The following CD247 variants were observed in gnomAD, a reference collection of about 807,000 sequenced individuals.
CD247 encodes T-cell surface glycoprotein CD3 zeta chain.
In CD247, 13 loss-of-function variants were observed where a neutral mutation model predicts 30.0. That is an observed-to-expected ratio of 0.43 (90% CI 0.28 to 0.69). The LOEUF is 0.69. Among genes scored for constraint, CD247 ranks in the 30% least tolerant of loss-of-function variants. CD247 has a pLI of 0.16. For synonymous variants in CD247, 72 were observed against 80.0 expected (o/e 0.90, Z 0.53); for missense variants, 193 against 212.6 (o/e 0.91, Z 0.57).
intron 1 of CD247, among the ~76,000 whole-genome samples, chr1:167,493,285 C>A (rs552382010): frequency 6.6e-6 from 1 of 152,046 alleles, no homozygotes; most frequent in Non-Finnish European, 1.5e-5. Flanking sequence ...TCAGGCAATC[C>A]GCCAGCCTCG....
chr1:167,433,109 AGTAGT>A, intron 6 of CD247, 50 bp from the exon 7 acceptor site: 1 of 1,600,052 alleles, frequency 6.2e-7, no homozygotes, highest in Non-Finnish European at 8.6e-7. Context: ...TCAGGCAGTC[AGTAGT>A]GGCATTTCTG....
In CD247 at chr1:167,504,348, A is replaced by G. The variant is rs34560824; in HGVS notation, c.58+14060T>C. Reference sequence around the variant, plus strand: ...CCTCTAGAAATGTGAGTACTTTGAGAGCAGCAACTGTAATGCAGCCGCTGA... The same window carrying G: ...CCTCTAGAAATGTGAGTACTTTGAGGGCAGCAACTGTAATGCAGCCGCTGA... On this transcript the variant is annotated intron_variant, in intron 1 of 7. Transcript: ENST00000362089. Among the ~76,000 whole-genome samples, 100 of 152,370 alleles carry G rather than the reference A, an allele frequency of 6.6e-4. No individual in the cohort carries two copies. The East Asian group carries it at 0.017, about 26-fold the overall frequency.
At chr1:167,496,388 G>C (rs534767648) in intron 1 of CD247, among the ~76,000 whole-genome samples, 12 of 152,178 alleles carry the variant, frequency 7.9e-5, no homozygotes, top group Non-Finnish European at 1.8e-4. Context: ...GCTTGAGTCT[G>C]CTGGGGTCAC....
At chr1:167,453,390 G>A (rs1317469081) in intron 1 of CD247, among the ~76,000 whole-genome samples, 7 of 152,150 alleles carry the variant, frequency 4.6e-5, no homozygotes, top group South Asian at 2.1e-4. Context: ...TCTTTCTCAC[G>A]CAGCACACTG....
chr1:167,490,059 T>C (rs1654379816), intron 1 of CD247, among the ~76,000 whole-genome samples: 1 of 151,382 alleles, frequency 6.6e-6, no homozygotes, highest in African/African-American at 2.4e-5. Flanking sequence ...TAGGGAACTG[T>C]GGAGCGCTCA....
At chr1:167,490,275 A>C (rs1318313942) in intron 1 of CD247, among the ~76,000 whole-genome samples, 2 of 151,786 alleles carry the variant, frequency 1.3e-5, no homozygotes, top group African/African-American at 4.8e-5. Context: ...ATCTTTCTTA[A>C]TTTTTCTTCT....
chr1:167,441,667 C>T (rs1651837115), intron 1 of CD247, among the ~76,000 whole-genome samples: 1 of 152,254 alleles, frequency 6.6e-6, no homozygotes, highest in South Asian at 2.1e-4. Context: ...GTGTTAGCTT[C>T]TCCCACTGCA....
At chr1:167,492,455 G>A (rs768437606) in intron 1 of CD247, among the ~76,000 whole-genome samples, 1 of 152,154 alleles carries the variant, frequency 6.6e-6, no homozygotes, top group Non-Finnish European at 1.5e-5. Context: ...GACAAAGGTA[G>A]GCAACAGTTT....
chr1:167,483,356 T>G (rs1389165901), intron 1 of CD247, among the ~76,000 whole-genome samples: 3 of 152,122 alleles, frequency 2.0e-5, no homozygotes, highest in African/African-American at 7.2e-5. Flanking sequence ...CAGTGTCCAG[T>G]GAAGAAAATC....
At chr1:167,506,209 G>C (rs1029860361) in intron 1 of CD247, among the ~76,000 whole-genome samples, 1 of 151,644 alleles carries the variant, frequency 6.6e-6, no homozygotes, top group African/African-American at 2.4e-5. Context: ...CCAGAGAGAC[G>C]CCATCTTTCT....
intron 1 of CD247, among the ~76,000 whole-genome samples, chr1:167,480,951 T>C (rs1011268586): frequency 2.0e-5 from 3 of 152,234 alleles, no homozygotes; most frequent in African/African-American, 7.2e-5. Flanking sequence ...TTGTCTTAGA[T>C]TCGCTTTCTA....
At chr1:167,480,845 A>G (rs4657662) in intron 1 of CD247, among the ~76,000 whole-genome samples, 45,115 of 152,158 alleles carry the variant, frequency 0.3, 7,387 homozygotes, top group East Asian at 0.52. Flanking sequence ...CAATTTCTTG[A>G]CTTTTATTGT....
intron 1 of CD247, among the ~76,000 whole-genome samples, chr1:167,468,954 C>A (rs1224400928): frequency 1.7e-4 from 25 of 147,762 alleles, no homozygotes; most frequent in Admixed American, 1.4e-4. Flanking sequence ...GAGCAAACTG[C>A]AATAAAAAAA....
intron 1 of CD247, among the ~76,000 whole-genome samples, chr1:167,504,795 T>C (rs1282305361): frequency 1.3e-5 from 2 of 152,238 alleles, no homozygotes; most frequent in Non-Finnish European, 2.9e-5. Context: ...TAAAAAGCCC[T>C]TAAAAGGAAA....
chr1:167,433,956 G>T, intron 6 of CD247, 64 bp downstream of exon 6: 1 of 1,385,944 alleles, frequency 7.2e-7, no homozygotes, highest in Non-Finnish European at 1.0e-6. Flanking sequence ...AAGGAGGCCT[G>T]CAGCAGGCGT....
At chr1:167,507,026 A>G (rs1655170944) in intron 1 of CD247, among the ~76,000 whole-genome samples, 2 of 151,188 alleles carry the variant, frequency 1.3e-5, no homozygotes, top group South Asian at 4.2e-4. Context: ...CCTCCTGAGT[A>G]GCTGGGACTA....
chr1:167,518,311 C>G (rs1571612150), intron 1 of CD247, 97 bp downstream of exon 1: 2 of 1,152,120 alleles, frequency 1.7e-6, no homozygotes, highest in Admixed American at 1.8e-5. Flanking sequence ...TTGAAGGAGA[C>G]CCCAGCCCCT....
chr1:167,446,241 A>G (rs1018046496), intron 1 of CD247, among the ~76,000 whole-genome samples: 11 of 152,140 alleles, frequency 7.2e-5, no homozygotes, highest in African/African-American at 2.7e-4. Flanking sequence ...TAAACGTTCC[A>G]CTTCAAGTCC....
At chr1:167,457,257 G>A (rs1571539585) in intron 1 of CD247, 1 of 152,326 alleles carries the variant, frequency 6.6e-6, no homozygotes, top group Admixed American at 6.5e-5. Context: ...GGTTTGCTCA[G>A]GGCTATATGG....
Sources: gnomAD v4.1 joint callset for allele counts (sites outside exome capture counted in the v4.1 genomes callset) on GRCh38, gnomAD v4.1.1 for gene constraint, MANE v1.5 for transcripts, NCBI Gene and HGNC (gene_info 2026-07-23, HGNC 2026-07-21) for gene names.